CSMD3: variants seen among roughly 807,000 people sequenced by gnomAD.
CSMD3 encodes the protein CUB and Sushi multiple domains 3, also known as CUB and sushi domain-containing protein 3.
CSMD3 carries 177 observed loss-of-function variants against 435.2 expected under a neutral mutation model. That is an observed-to-expected ratio of 0.41 (90% confidence interval 0.36 to 0.46). CSMD3 has a LOEUF of 0.46. CSMD3 is among the 20% of genes least tolerant of loss of function. The probability of loss-of-function intolerance (pLI) is 0.34; values close to 1 mark genes in which losing one functional copy is unlikely to be tolerated. For synonymous variants in CSMD3, 1,656 were observed against 1,520.5 expected (o/e 1.09, Z -2.07); for missense variants, 4,265 against 4,504.6 (o/e 0.95, Z 1.52).
intron 1 of CSMD3, among the ~76,000 whole-genome samples, chr8:113,387,783 A>T (rs143145201): frequency 2.0e-3 from 303 of 151,862 alleles, no homozygotes; most frequent in African/African-American, 7.1e-3. Context: ...AAGCATTTGG[A>T]TTAGCAACAA....
At chr8:112,511,728 G>T (rs1044416774) in intron 28 of CSMD3, among the ~76,000 whole-genome samples, 1 of 152,064 alleles carries the variant, frequency 6.6e-6, no homozygotes, top group Non-Finnish European at 1.5e-5. Context: ...GAAGTCTGCC[G>T]TAGTACTGGA....
chr8:112,530,616 A>G (rs138390697), intron 27 of CSMD3, among the ~76,000 whole-genome samples: 1 of 152,350 alleles, frequency 6.6e-6, no homozygotes, highest in African/African-American at 2.4e-5. Context: ...CATCACCATT[A>G]GACATGCCTT....
chr8:112,452,541 A>G (rs1225372594), intron 32 of CSMD3, among the ~76,000 whole-genome samples: 1 of 152,200 alleles, frequency 6.6e-6, no homozygotes, highest in Non-Finnish European at 1.5e-5. Flanking sequence ...TGACTATTTA[A>G]TCTAAGAGAT....
At chr8:112,918,281 G>A (rs955584321) in intron 10 of CSMD3, among the ~76,000 whole-genome samples, 4 of 151,774 alleles carry the variant, frequency 2.6e-5, no homozygotes, top group African/African-American at 7.3e-5. Context: ...GTGATGTCAT[G>A]ATTTTTATGG....
intron 54 of CSMD3, among the ~76,000 whole-genome samples, chr8:112,295,091 C>A (rs922593043): frequency 1.3e-5 from 2 of 152,068 alleles, no homozygotes; most frequent in Admixed American, 6.6e-5. Flanking sequence ...TTCATGATAT[C>A]ATTCATATGC....
At chr8:112,912,903 T>C (rs1306116125) in intron 10 of CSMD3, among the ~76,000 whole-genome samples, 1 of 151,986 alleles carries the variant, frequency 6.6e-6, no homozygotes, top group Non-Finnish European at 1.5e-5. Flanking sequence ...GACAAATGAT[T>C]GAGTAGACAT....
chr8:112,408,943 A>G lies in CSMD3; in HGVS notation c.5485T>C (p.Ser1829Pro), dbSNP rs371009335. The change falls in exon 33 of 71, where the codon TCT becomes CCT. Residue 1829 changes from serine (S) to proline (P), a missense_variant. By Grantham distance (74) the Ser-to-Pro change is moderately conservative. Transcript: ENST00000297405. ...CCTGAATGGGATCCTGAGAGGGAAG[A>G]TAACAGAGAAGATTGCTGAGTTGGC... Reference protein sequence around the residue: ...DGPTQQSSLLSSLSGSHSGES... With the variant: ...DGPTQQSSLLPSLSGSHSGES... 38 of 1,613,552 alleles carry G rather than the reference A, an allele frequency of 2.4e-5. No individual in the cohort carries two copies. The Middle Eastern group carries it at 4.9e-4, about 21-fold the overall frequency.
intron 41 of CSMD3, among the ~76,000 whole-genome samples, chr8:112,343,001 T>TATATATTTA: frequency 9.1e-6 from 1 of 109,678 alleles, no homozygotes; most frequent in South Asian, 2.7e-4. Flanking sequence ...ATATATATAT[T>TATATATTTA]TATATATATA....
intron 32 of CSMD3, among the ~76,000 whole-genome samples, chr8:112,438,974 C>A (rs915068308): frequency 1.3e-5 from 2 of 152,092 alleles, no homozygotes; most frequent in Non-Finnish European, 2.9e-5. Flanking sequence ...TTGTCTTGTA[C>A]TCTTGCTAAT....
At chr8:112,729,527 T>G (rs2077033043) in intron 13 of CSMD3, among the ~76,000 whole-genome samples, 1 of 152,090 alleles carries the variant, frequency 6.6e-6, no homozygotes, top group African/African-American at 2.4e-5. Flanking sequence ...TATGTCAATC[T>G]CTAGAATTTG....
At chr8:112,402,839 C>T (rs1831453784) in intron 35 of CSMD3, among the ~76,000 whole-genome samples, 1 of 152,122 alleles carries the variant, frequency 6.6e-6, no homozygotes, top group African/African-American at 2.4e-5. Flanking sequence ...CTAATTTTCA[C>T]AGACATATAG....
chr8:112,236,740 A>G (rs1489286709), intron 67 of CSMD3, among the ~76,000 whole-genome samples: 1 of 152,166 alleles, frequency 6.6e-6, no homozygotes, highest in Non-Finnish European at 1.5e-5. Flanking sequence ...TGGTTCCCTT[A>G]TGCCTATTTA....
intron 63 of CSMD3, among the ~76,000 whole-genome samples, chr8:112,253,720 C>A (rs536928882): frequency 6.6e-6 from 1 of 152,084 alleles, no homozygotes; most frequent in Non-Finnish European, 1.5e-5. Flanking sequence ...CCAAAGAATT[C>A]TAATGTAACA....
At chr8:112,915,271 C>T (rs1213350700) in intron 10 of CSMD3, among the ~76,000 whole-genome samples, 1 of 151,524 alleles carries the variant, frequency 6.6e-6, no homozygotes, top group Non-Finnish European at 1.5e-5. Flanking sequence ...TTAGCGAAAG[C>T]GTTCATTACT....
chr8:112,503,953 G>C lies in CSMD3; in HGVS notation c.4920C>G (p.Asp1640Glu), dbSNP rs757126649. The C allele has an allele frequency of 6.2e-7, 1 of 1,605,302 alleles. No individual in the cohort carries two copies. The highest frequency in any genetic ancestry group is 8.5e-7 in the Non-Finnish European group (1 of 1,173,344). The change falls in exon 30 of 71, where the codon GAC (aspartate) becomes GAG (glutamate). Residue 1640 changes from aspartate (D) to glutamate (E), a missense_variant. Around this residue, in one of 3 missense-constraint regions of CSMD3, gnomAD observed 3,255 missense variants for 3,380.2 expected, o/e 0.96. Coordinates refer to ENST00000297405, the MANE Select transcript of CSMD3 (RefSeq NM_198123.2). The part of the protein sequence containing the change: ...FISFSIEPNY[D>E]FLYIYDGPDS... Reference sequence around the variant, plus strand: ...CTGGTCCATCATAGATATAGAGGAAGTCATAGTTTGGTTCTATGCTAAAAC... The same window carrying C: ...CTGGTCCATCATAGATATAGAGGAACTCATAGTTTGGTTCTATGCTAAAAC...
chr8:113,149,764 T>A (rs1263799489), intron 4 of CSMD3, among the ~76,000 whole-genome samples: 2 of 151,910 alleles, frequency 1.3e-5, no homozygotes, highest in Non-Finnish European at 2.9e-5. Context: ...ACATATGCTA[T>A]CCCTCAAAGG....
At position 112,247,039 on chromosome 8, in the gene CSMD3, C is replaced by G. The variant is rs1814803135; in HGVS notation, c.10203G>C (p.Gly3401=). 1 of 1,612,242 alleles carries G rather than the reference C, an allele frequency of 6.2e-7. No individual in the cohort carries two copies. The highest frequency in any genetic ancestry group is 2.2e-5 in the East Asian group (1 of 44,846). Residue 3401 remains glycine (G), a synonymous_variant, in exon 64 of 71, where the codon GGG becomes GGC. Transcript: ENST00000297405. Reference sequence around the variant, plus strand: ...ACTTACGTATGCATTCAGGCTGAATCCCACTCCACGTAAGATCAGGGAGGC... The same window carrying G: ...ACTTACGTATGCATTCAGGCTGAATGCCACTCCACGTAAGATCAGGGAGGC... The part of the protein sequence containing the change: ...RTCLPDLTWS[G]IQPECIPHSC...
At chr8:112,535,470 T>G (rs1003070854) in intron 27 of CSMD3, among the ~76,000 whole-genome samples, 10 of 151,450 alleles carry the variant, frequency 6.6e-5, no homozygotes, top group African/African-American at 1.2e-4. Context: ...ACAAGGGATG[T>G]GAAGGACCTC....
intron 53 of CSMD3, among the ~76,000 whole-genome samples, chr8:112,296,414 G>A (rs1180119596): frequency 6.6e-6 from 1 of 152,018 alleles, no homozygotes. Flanking sequence ...AGCCAGGCAT[G>A]GTGGCAGGCG....
Sources: allele counts gnomAD v4.1 joint callset (sites outside exome capture counted in the v4.1 genomes callset), GRCh38; gene constraint gnomAD v4.1.1; regional missense constraint gnomAD v4.1.1; transcripts MANE v1.5; gene names NCBI Gene and HGNC (gene_info 2026-07-23, HGNC 2026-07-21).